BCL3: variants seen among roughly 807,000 people sequenced by gnomAD.
The protein encoded by BCL3 is B-cell lymphoma 3 protein.
Under a neutral mutation model 35.7 loss-of-function variants are expected in BCL3, and 15 were observed. That is an observed-to-expected ratio of 0.42 (90% CI 0.28 to 0.65). The LOEUF (loss-of-function observed/expected upper bound fraction) is 0.65. Ranked by LOEUF, BCL3 falls within the 30% of genes least tolerant of loss-of-function variation. BCL3 has a pLI of 0.22. For missense variants in BCL3, 565 were observed against 641.7 expected, an observed-to-expected ratio of 0.88 and a Z score of 1.29; for synonymous variants, 311 against 284.3, an observed-to-expected ratio of 1.09 and a Z score of -0.95.
rs781662900 is a variant in BCL3 at position 44,757,291 on chromosome 19, C to A, written c.725-36C>A. On this transcript the variant is annotated intron_variant, in intron 4 of 8. Coordinates refer to ENST00000164227, the MANE Select transcript of BCL3 (RefSeq NM_005178.5). This position sits in a 1 kb window ranked among gnomAD's most constrained non-coding sequence, Gnocchi z 8.4. ...GGAGTCCATCAGCGGCCGCAAAGCC[C>A]GGGCCTAGGTTTCACCGAGCCCTCC... 4 of 1,574,722 alleles carry A rather than the reference C, an allele frequency of 2.5e-6. No homozygotes were observed. The South Asian group carries it at 4.6e-5, about 18-fold the overall frequency.
chr19:44,751,458 A>C, intron 2 of BCL3, 78 bp downstream of exon 2: 3 of 1,398,770 alleles, frequency 2.1e-6, no homozygotes, highest in Non-Finnish European at 2.8e-6. Context: ...CTCAGCTCCC[A>C]GTGGACCTGA....
In BCL3 at chr19:44,759,438, C is replaced by T. The variant is rs150877187; in HGVS notation, c.1188C>T (p.Ser396=). 3.3e-5 allele frequency: 53 copies of T among 1,610,686 alleles called. No homozygotes were observed. The East Asian group carries it at 4.9e-4, about 15-fold the overall frequency. The change falls in exon 9 of 9, where the codon TCC becomes TCT. Residue 396 remains serine, a synonymous_variant. Transcript: ENST00000164227. ...SSRLSSNGLL[S]ASPSSSPSQS... Reference sequence around the variant, plus strand: ...CTCTTCCTTCCTCAGGTCTTCTCTCCGCATCACCATCCTCCTCACCCTCCC... The same window carrying T: ...CTCTTCCTTCCTCAGGTCTTCTCTCTGCATCACCATCCTCCTCACCCTCCC...
intron 2 of BCL3, among the ~76,000 whole-genome samples, chr19:44,752,537 G>C (rs571947387): frequency 4.6e-5 from 7 of 151,792 alleles, no homozygotes; most frequent in Non-Finnish European, 8.8e-5. Flanking sequence ...TTCTATTCTA[G>C]TCGACTTCAT....
At chr19:44,749,438 T>C (rs1967135648) in intron 1 of BCL3, among the ~76,000 whole-genome samples, 1 of 147,240 alleles carries the variant, frequency 6.8e-6, no homozygotes, top group Admixed American at 6.8e-5. Context: ...CTGGAGAAAC[T>C]GGGGTTCCCT....
chr19:44,752,933 TC>T (rs997909977), intron 2 of BCL3, among the ~76,000 whole-genome samples: 4 of 152,206 alleles, frequency 2.6e-5, no homozygotes, highest in Admixed American at 2.6e-4. Flanking sequence ...CAGGCCTGTT[TC>T]TGCAGAGAAG....
rs1476833100 is a variant in BCL3, at chr19:44,757,807, C to T, written c.891+84C>T. ...TGGCCTCAGCCCCTAGCTCTGACCCCGCCTTCCACTTCTGGCTCCGGCTCC... is the reference window on the plus strand; with the variant it reads ...TGGCCTCAGCCCCTAGCTCTGACCCTGCCTTCCACTTCTGGCTCCGGCTCC... On this transcript the variant is annotated intron_variant, in intron 6 of 8. Transcript: ENST00000164227. This position sits in a 1 kb window ranked among gnomAD's most constrained non-coding sequence, Gnocchi z 8.4. The T allele has an allele frequency of 5.3e-6, 7 of 1,332,436 alleles. No individual in the cohort carries two copies. The highest frequency in any genetic ancestry group is 1.9e-5 in the Admixed American group (1 of 53,682). 82.5% of individuals were successfully genotyped at this position (1,332,436 alleles called of 1,614,324 possible). A position where few individuals can be genotyped will look rare whatever the true frequency, so the allele number is the denominator to read the frequency against.
Position 44,756,894 on chromosome 19 carries a change from G to T in BCL3, c.520-123G>T, listed in dbSNP as rs554053234. The T allele has an allele frequency of 8.9e-6, 8 of 900,292 alleles. No individual in the cohort carries two copies. In the South Asian group the frequency reaches 9.2e-5, roughly 10 times the overall value. The allele number at this position is 900,292 out of a possible 1,614,324, so 55.8% of individuals were successfully genotyped here. On this transcript the variant is annotated intron_variant, in intron 3 of 8. Coordinates refer to ENST00000164227, the MANE Select transcript of BCL3 (RefSeq NM_005178.5). ...CGGACTCTTGAATCTGAGACAGGAG[G>T]TGTCTCAGGTTTCTGTTCCTGGGGA...
Position 44,759,710 on chromosome 19 carries a change from C to T in BCL3, c.*95C>T, listed in dbSNP as rs1265012135. 1.0e-5 allele frequency: 5 copies of T among 502,142 alleles called. No homozygotes were observed. The highest frequency in any genetic ancestry group is 4.2e-5 in the East Asian group (1 of 23,950). The allele number at this position is 502,142 out of a possible 1,614,324, so 31.1% of individuals were successfully genotyped here. ...GAAACTGTGAAGATCTCACTCTGCC[C>T]CCCCCCCCCATCTTCGGGACCAGGA... On this transcript the variant is annotated 3_prime_UTR_variant, in exon 9 of 9. Coordinates refer to ENST00000164227, the MANE Select transcript of BCL3 (RefSeq NM_005178.5).
chr19:44,751,380 C>T lies in BCL3; in HGVS notation c.410C>T (p.Thr137Met). The change falls in exon 2 of 9, where the codon ACG becomes ATG. Residue 137 changes from threonine (T) to methionine (M), a missense_variant and splice_region_variant. Thr to Met is a moderately conservative substitution (Grantham distance 81). Transcript: ENST00000164227. ...MATRADEDGDTPLHIAVVQGN... is the reference protein window; with the variant it reads ...MATRADEDGDMPLHIAVVQGN... The stretch of plus-strand genomic sequence containing the variant: ...ACCCGTGCAGATGAGGACGGAGACA[C>T]GTGAGTGACAGTCCCCTATTAAGGG... The T allele has an allele frequency of 6.4e-7, 1 of 1,571,696 alleles. No homozygotes were observed. Among genetic ancestry groups the T allele is most frequent in the Non-Finnish European group, 8.6e-7 (1 of 1,164,384 alleles).
At chr19:44,751,506 G>A (rs911885754) in intron 2 of BCL3, 126 bp downstream of exon 2, 16 of 1,011,452 alleles carry the variant, frequency 1.6e-5, no homozygotes, top group Non-Finnish European at 1.8e-5. Flanking sequence ...GTGTGACCTT[G>A]AGTAAGGCCC....
intron 2 of BCL3, among the ~76,000 whole-genome samples, chr19:44,752,745 GA>G (rs1261517889): frequency 1.3e-5 from 2 of 152,142 alleles, no homozygotes; most frequent in Admixed American, 6.6e-5. Flanking sequence ...TTATTCTATT[GA>G]CCTGGGTTGG....
intron 2 of BCL3, among the ~76,000 whole-genome samples, chr19:44,753,742 C>T (rs980019682): frequency 2.2e-5 from 3 of 134,280 alleles, no homozygotes; most frequent in Non-Finnish European, 4.6e-5. Flanking sequence ...TCCTCACAGG[C>T]GGGTACGAGC....
At chr19:44,754,295 G>C (rs1967238635) in intron 2 of BCL3, among the ~76,000 whole-genome samples, 1 of 152,154 alleles carries the variant, frequency 6.6e-6, no homozygotes, top group Non-Finnish European at 1.5e-5. Context: ...TGGAGTTCCA[G>C]AGGGTCCCCC....
chr19:44,756,964 C>T (rs1402644950), intron 3 of BCL3, 53 bp from the exon 4 acceptor site: 2 of 1,496,054 alleles, frequency 1.3e-6, no homozygotes, highest in East Asian at 4.9e-5. Context: ...CTGGGGGAGG[C>T]AGGACTAGAG....
chr19:44,752,078 GCACACACACACACACACACA>G (rs3138632), intron 2 of BCL3, among the ~76,000 whole-genome samples: 1 of 145,922 alleles, frequency 6.9e-6, no homozygotes, highest in African/African-American at 2.5e-5. Flanking sequence ...CTCAAACCCA[GCACACACACACACACACACA>G]CACACACACA....
intron 7 of BCL3, 88 bp from the exon 8 acceptor site, chr19:44,758,636 C>T (rs576571101): frequency 1.4e-4 from 189 of 1,315,284 alleles, no homozygotes; most frequent in Non-Finnish European, 1.8e-4. Flanking sequence ...AGTGGAGAGG[C>T]CACCACCTGG....
At chr19:44,751,118 G>T (rs1012008569) in intron 1 of BCL3, 109 bp from the exon 2 acceptor site, 1 of 1,399,056 alleles carries the variant, frequency 7.1e-7, no homozygotes, top group Admixed American at 2.6e-5. Context: ...AGGGACCCAG[G>T]AGAAAGGGCA....
At chr19:44,752,106 AC>A (rs1161584009) in intron 2 of BCL3, among the ~76,000 whole-genome samples, 2 of 150,068 alleles carry the variant, frequency 1.3e-5, no homozygotes, top group African/African-American at 5.0e-5. Context: ...ACACACACAC[AC>A]ACAAACTTGA....
At position 44,757,051 on chromosome 19, in the gene BCL3, C is replaced by T. The variant is rs950679779; in HGVS notation, c.554C>T (p.Pro185Leu). The T allele has an allele frequency of 3.1e-6, 5 of 1,611,060 alleles. No individual in the cohort carries two copies. The highest frequency in any genetic ancestry group is 4.2e-6 in the Non-Finnish European group (5 of 1,178,974). ...CACCTGGCTGTGATCACCACATTAC[C>T]GTCTGTGGTCCGGCTCCTGGTGACA... is the stretch of plus-strand genomic sequence containing the variant. ...PLHLAVITTL[P>L]SVVRLLVTAG... The change falls in exon 4 of 9, where the codon CCG becomes CTG. Residue 185 changes from proline to leucine, a missense_variant. By Grantham distance (98) the Pro-to-Leu change is moderately conservative. Coordinates refer to ENST00000164227, the MANE Select transcript of BCL3 (RefSeq NM_005178.5). The surrounding 1 kb of genome is among the most constrained non-coding windows in gnomAD (Gnocchi z 8.4).
Sources: gnomAD v4.1 joint callset for allele counts (sites outside exome capture counted in the v4.1 genomes callset) on GRCh38, gnomAD v4.1.1 for gene constraint, Gnocchi (gnomAD v3.1) non-coding constraint, MANE v1.5 for transcripts, NCBI Gene and HGNC (gene_info 2026-07-23, HGNC 2026-07-21) for gene names.